Variants in ERC1 observed in about 807,000 individuals in gnomAD.
ERC1 encodes the protein ELKS/RAB6-interacting/CAST family member 1, also known as RAB6 interacting protein 2.
A neutral mutation model predicts 132.0 loss-of-function variants in ERC1; 56 were observed. That is an observed-to-expected ratio of 0.42 (90% CI 0.34 to 0.53). The LOEUF is 0.53. ERC1 is among the 20% of genes least tolerant of loss of function. The pLI, the probability that ERC1 is intolerant of heterozygous loss-of-function variation, is 0.03. For missense variants in ERC1, 1,202 were observed against 1,349.9 expected, an observed-to-expected ratio of 0.89 and a Z score of 1.72; for synonymous variants, 478 against 476.1, an observed-to-expected ratio of 1.00 and a Z score of -0.05.
In ERC1 at chr12:991,282, C is replaced by A; in HGVS notation, c.-197C>A. Reference sequence around the variant, plus strand: ...GGCGGTAGTGGCGGCGGCGGCGGTGCCTGGGCGGCAGCAGCAGCAGTAGCG... The same window carrying A: ...GGCGGTAGTGGCGGCGGCGGCGGTGACTGGGCGGCAGCAGCAGCAGTAGCG... On this transcript the variant is annotated 5_prime_UTR_variant, in exon 1 of 19. Coordinates refer to ENST00000360905, the MANE Select transcript of ERC1 (RefSeq NM_178040.4). 1.2e-5 allele frequency: 1 copy of A among 85,614 alleles called. No homozygotes were observed. Among genetic ancestry groups the A allele is most frequent in the Non-Finnish European group, 2.1e-5 (1 of 48,276 alleles). 5.3% of individuals were successfully genotyped at this position (85,614 alleles called of 1,614,324 possible). A position where few individuals can be genotyped will look rare whatever the true frequency, so the allele number is the denominator to read the frequency against.
chr12:1,401,561 T>C (rs1001183016), intron 16 of ERC1, among the ~76,000 whole-genome samples: 4 of 152,188 alleles, frequency 2.6e-5, no homozygotes, highest in African/African-American at 7.2e-5. Flanking sequence ...CTGTGACTTA[T>C]TCATCATATG....
At chr12:1,004,900 G>C (rs1314002578) in intron 1 of ERC1, among the ~76,000 whole-genome samples, 1 of 150,658 alleles carries the variant, frequency 6.6e-6, no homozygotes. Flanking sequence ...ATAGAATTCA[G>C]GTTGCTGAAC....
At chr12:1,264,804 A>G (rs1371508588) in intron 14 of ERC1, among the ~76,000 whole-genome samples, 1 of 152,224 alleles carries the variant, frequency 6.6e-6, no homozygotes, top group Admixed American at 6.5e-5. Context: ...AGAGGGTGGC[A>G]GGAATCTTTC....
chr12:1,168,808 A>G (rs981702618), intron 8 of ERC1, among the ~76,000 whole-genome samples: 6 of 152,150 alleles, frequency 3.9e-5, no homozygotes, highest in Non-Finnish European at 8.8e-5. Context: ...TTTAAACAAC[A>G]TTCTGGATTC....
At chr12:1,416,749 AT>A (rs1003866256) in intron 17 of ERC1, among the ~76,000 whole-genome samples, 13 of 152,180 alleles carry the variant, frequency 8.5e-5, no homozygotes, top group Non-Finnish European at 1.8e-4. Context: ...CACTTTCTTC[AT>A]TTGTAAAATC....
chr12:1,127,945 A>G (rs1014532946), intron 7 of ERC1, among the ~76,000 whole-genome samples: 5 of 152,196 alleles, frequency 3.3e-5, no homozygotes, highest in African/African-American at 1.2e-4. Context: ...GAAAGGTCGG[A>G]CGAGAAAAAA....
chr12:1,018,724 CACTT>C (rs1292522152), intron 1 of ERC1, among the ~76,000 whole-genome samples: 7 of 152,210 alleles, frequency 4.6e-5, no homozygotes, highest in Non-Finnish European at 8.8e-5. Flanking sequence ...CGTTGGCAAA[CACTT>C]ACTGCCTGCT....
chr12:1,445,585 A>AC (rs112914506), intron 18 of ERC1, among the ~76,000 whole-genome samples: 6,474 of 152,020 alleles, frequency 0.043, 453 homozygotes, highest in African/African-American at 0.15. Context: ...ATATTTTGTA[A>AC]CTTTCAGCAA....
intron 11 of ERC1, among the ~76,000 whole-genome samples, chr12:1,184,567 G>A (rs1954857669): frequency 6.6e-6 from 1 of 152,080 alleles, no homozygotes; most frequent in Non-Finnish European, 1.5e-5. Context: ...TGTTTTGTTT[G>A]GAGTAGGAAA....
At chr12:1,399,855 G>A (rs1157123516) in intron 16 of ERC1, among the ~76,000 whole-genome samples, 1 of 152,112 alleles carries the variant, frequency 6.6e-6, no homozygotes, top group East Asian at 1.9e-4. Flanking sequence ...AACATTTGTG[G>A]GTGCTTTTTT....
intron 15 of ERC1, among the ~76,000 whole-genome samples, chr12:1,309,946 G>C (rs559382197): frequency 2.0e-5 from 3 of 149,638 alleles, no homozygotes; most frequent in Admixed American, 2.0e-4. Flanking sequence ...GTTTTGTTTT[G>C]TTTTGTTTTG....
chr12:1,077,120 T>C (rs1941482568), intron 2 of ERC1, among the ~76,000 whole-genome samples: 1 of 152,224 alleles, frequency 6.6e-6, no homozygotes, highest in Admixed American at 6.5e-5. Flanking sequence ...TGTAAAAGGG[T>C]ACAATACTGG....
At chr12:1,047,644 A>G (rs1174039783) in intron 2 of ERC1, among the ~76,000 whole-genome samples, 3 of 152,216 alleles carry the variant, frequency 2.0e-5, no homozygotes, top group African/African-American at 4.8e-5. Flanking sequence ...CTACATTGTA[A>G]TGGCAGTATA....
chr12:1,392,893 A>G (rs978145776), intron 16 of ERC1, among the ~76,000 whole-genome samples: 1 of 152,232 alleles, frequency 6.6e-6, no homozygotes, highest in African/African-American at 2.4e-5. Context: ...GAGAAAATCA[A>G]GAGTGCAATA....
At chr12:1,243,746 G>A (rs553264843) in intron 13 of ERC1, among the ~76,000 whole-genome samples, 37 of 152,252 alleles carry the variant, frequency 2.4e-4, no homozygotes, top group African/African-American at 8.4e-4. Flanking sequence ...GCTGCTAAAC[G>A]TCCTGTAGTT....
At chr12:1,039,521 G>A (rs1441502331) in intron 2 of ERC1, among the ~76,000 whole-genome samples, 5 of 150,546 alleles carry the variant, frequency 3.3e-5, no homozygotes, top group Non-Finnish European at 7.4e-5. Flanking sequence ...CAGAGCAAGA[G>A]TCTGTCAAAA....
At chr12:1,261,466 A>G (rs558576542) in intron 13 of ERC1, among the ~76,000 whole-genome samples, 7 of 152,302 alleles carry the variant, frequency 4.6e-5, no homozygotes, top group Admixed American at 3.3e-4. Context: ...TGAACTAATC[A>G]TTGCATCCAT....
chr12:1,143,156 G>C (rs1263278099), intron 8 of ERC1, among the ~76,000 whole-genome samples: 1 of 152,072 alleles, frequency 6.6e-6, no homozygotes, highest in African/African-American at 2.4e-5. Flanking sequence ...CACCCACCTG[G>C]GCCTCCCGAA....
chr12:1,083,128 G>C (rs372076875), intron 2 of ERC1, 36 bp from the exon 3 acceptor site: 1 of 1,558,312 alleles, frequency 6.4e-7, no homozygotes, highest in African/African-American at 1.4e-5. Context: ...GAGGAGGAAA[G>C]CTGATTTGGG....
Sources: allele counts gnomAD v4.1 joint callset (sites outside exome capture counted in the v4.1 genomes callset), GRCh38; gene constraint gnomAD v4.1.1; transcripts MANE v1.5; gene names NCBI Gene and HGNC (gene_info 2026-07-23, HGNC 2026-07-21).